OSBP2: variants seen among roughly 807,000 people sequenced by gnomAD.
OSBP2 encodes the protein oxysterol binding protein 2, also known as oxysterol-binding protein 2.
OSBP2 carries 66 observed loss-of-function variants against 96.0 expected under a neutral mutation model. That is an observed-to-expected ratio of 0.69 (90% confidence interval 0.56 to 0.84). OSBP2 has a LOEUF of 0.84. Ranked by LOEUF, OSBP2 falls within the 40% of genes least tolerant of loss-of-function variation. The probability of loss-of-function intolerance (pLI) is 0.00; values close to 1 mark genes in which losing one functional copy is unlikely to be tolerated. For missense variants in OSBP2, 1,038 were observed against 1,222.7 expected, an observed-to-expected ratio of 0.85 and a Z score of 2.25; for synonymous variants, 525 against 520.9, an observed-to-expected ratio of 1.01 and a Z score of -0.11.
intron 2 of OSBP2, among the ~76,000 whole-genome samples, chr22:30,821,156 A>G (rs1466449231): frequency 1.3e-5 from 2 of 152,242 alleles, no homozygotes; most frequent in Non-Finnish European, 2.9e-5. Context: ...TGAGACATAC[A>G]TAAGGCAGAG....
chr22:30,805,251 A>G (rs150028666), intron 2 of OSBP2, among the ~76,000 whole-genome samples: 144 of 152,308 alleles, frequency 9.5e-4, no homozygotes, highest in African/African-American at 3.3e-3. Flanking sequence ...TATGAACACT[A>G]TTTCTGTCTG....
chr22:30,877,258 CTGAT>C (rs1265592029), intron 3 of OSBP2, among the ~76,000 whole-genome samples: 1 of 152,046 alleles, frequency 6.6e-6, no homozygotes, highest in African/African-American at 2.4e-5. Context: ...TTTTTTGACT[CTGAT>C]AAAAGCTAGC....
intron 1 of OSBP2, among the ~76,000 whole-genome samples, chr22:30,703,980 C>A (rs1179627500): frequency 2.6e-5 from 4 of 152,158 alleles, no homozygotes; most frequent in Admixed American, 6.5e-5. Context: ...CTGATCTTGC[C>A]ATCCTGTTAC....
chr22:30,755,909 A>G (rs2090134826), intron 2 of OSBP2, among the ~76,000 whole-genome samples: 1 of 152,148 alleles, frequency 6.6e-6, no homozygotes, highest in Admixed American at 6.5e-5. Flanking sequence ...GCCCTTGGCC[A>G]TGGAGCTTGT....
At chr22:30,706,317 G>A (rs1043449909) in intron 1 of OSBP2, among the ~76,000 whole-genome samples, 4 of 152,004 alleles carry the variant, frequency 2.6e-5, no homozygotes, top group African/African-American at 4.8e-5. Context: ...TTTTATGTGC[G>A]ATGCTTTGCC....
At chr22:30,873,821 G>A (rs577508008) in intron 3 of OSBP2, among the ~76,000 whole-genome samples, 127 of 152,350 alleles carry the variant, frequency 8.3e-4, no homozygotes, top group African/African-American at 2.9e-3. Flanking sequence ...AAGCCCACAT[G>A]GAGGGTGTCC....
At chr22:30,730,030 T>G (rs948407725) in intron 1 of OSBP2, among the ~76,000 whole-genome samples, 2 of 152,030 alleles carry the variant, frequency 1.3e-5, no homozygotes, top group Non-Finnish European at 2.9e-5. Flanking sequence ...ACAATCTCGC[T>G]CGGCTCACTG....
chr22:30,824,951 G>T (rs546355156), intron 2 of OSBP2, among the ~76,000 whole-genome samples: 1 of 152,260 alleles, frequency 6.6e-6, no homozygotes, highest in African/African-American at 2.4e-5. Context: ...TCCTGACTCT[G>T]CTGCTCGGCT....
At chr22:30,812,518 T>C (rs2091023060) in intron 2 of OSBP2, among the ~76,000 whole-genome samples, 1 of 152,228 alleles carries the variant, frequency 6.6e-6, no homozygotes, top group African/African-American at 2.4e-5. Context: ...ATGTATTTAA[T>C]CATTTTCCTC....
intron 1 of OSBP2, among the ~76,000 whole-genome samples, chr22:30,715,443 C>T (rs543170315): frequency 3.5e-4 from 53 of 150,272 alleles, no homozygotes; most frequent in Non-Finnish European, 6.0e-4. Context: ...GTGGCATGAT[C>T]ATGGCTCACT....
At chr22:30,712,918 T>G (rs1439612354) in intron 1 of OSBP2, among the ~76,000 whole-genome samples, 1 of 151,722 alleles carries the variant, frequency 6.6e-6, no homozygotes, top group Non-Finnish European at 1.5e-5. Context: ...GTTTTTGTTG[T>G]TTTTTTTGAG....
intron 2 of OSBP2, among the ~76,000 whole-genome samples, chr22:30,811,633 C>A (rs1390075403): frequency 6.6e-6 from 1 of 152,090 alleles, no homozygotes; most frequent in Non-Finnish European, 1.5e-5. Context: ...CAGCTCACTG[C>A]AACCTCTGCC....
intron 2 of OSBP2, among the ~76,000 whole-genome samples, chr22:30,778,334 C>CA (rs61172908): frequency 9.4e-4 from 142 of 151,044 alleles, no homozygotes; most frequent in East Asian, 4.9e-3. Context: ...CACACACACA[C>CA]CCACTGACAG....
intron 3 of OSBP2, among the ~76,000 whole-genome samples, chr22:30,873,752 G>A (rs2039512788): frequency 6.6e-6 from 1 of 152,238 alleles, no homozygotes; most frequent in African/African-American, 2.4e-5. Context: ...CACTTTGTGG[G>A]CTCTGATTGA....
intron 2 of OSBP2, among the ~76,000 whole-genome samples, chr22:30,758,146 A>G (rs1196803231): frequency 6.6e-6 from 1 of 152,178 alleles, no homozygotes; most frequent in African/African-American, 2.4e-5. Context: ...TCATGCCTGT[A>G]ATCCGTGCAC....
chr22:30,857,842 A>T (rs112994177), intron 2 of OSBP2, among the ~76,000 whole-genome samples: 11 of 152,182 alleles, frequency 7.2e-5, no homozygotes, highest in Admixed American at 5.9e-4. Context: ...AGACACATGA[A>T]TCTGCCTGTG....
intron 1 of OSBP2, among the ~76,000 whole-genome samples, chr22:30,703,937 T>C (rs1222025825): frequency 6.6e-6 from 1 of 152,116 alleles, no homozygotes; most frequent in Non-Finnish European, 1.5e-5. Flanking sequence ...AGTGTCAGAG[T>C]GACTTCCAGT....
chr22:30,778,084 TC>T (rs1426815250), intron 2 of OSBP2, among the ~76,000 whole-genome samples: 1 of 150,410 alleles, frequency 6.6e-6, no homozygotes, highest in Admixed American at 6.7e-5. Flanking sequence ...CAACTCTGCC[TC>T]CCGGGTTCAA....
chr22:30,777,402 C>G (rs1000276983), intron 2 of OSBP2, among the ~76,000 whole-genome samples: 2 of 152,094 alleles, frequency 1.3e-5, no homozygotes, highest in African/African-American at 4.8e-5. Context: ...AGGGGTGTTT[C>G]CCTGCACAAG....
Sources: allele counts gnomAD v4.1 joint callset (sites outside exome capture counted in the v4.1 genomes callset), GRCh38; gene constraint gnomAD v4.1.1; transcripts MANE v1.5; gene names NCBI Gene and HGNC (gene_info 2026-07-23, HGNC 2026-07-21).